The following MSTO1 variants were observed in gnomAD, a reference collection of about 807,000 sequenced individuals.
MSTO1 encodes misato mitochondrial distribution and morphology regulator 1.
Under a neutral mutation model 55.7 loss-of-function variants are expected in MSTO1, and 24 were observed. That is an observed-to-expected ratio of 0.43 (90% confidence interval 0.31 to 0.61). MSTO1 has a LOEUF of 0.61. Ranked by LOEUF, MSTO1 falls within the 20% of genes least tolerant of loss-of-function variation. The pLI is 0.09. For synonymous variants in MSTO1, 162 were observed against 252.8 expected (o/e 0.64, Z 3.41); for missense variants, 363 against 625.7 (o/e 0.58, Z 4.48).
the MSTO1 span, among the ~76,000 whole-genome samples, chr1:155,568,577 T>C: frequency 4.6e-5 from 7 of 151,910 alleles, no homozygotes; most frequent in East Asian, 1.9e-4. Flanking sequence ...TAGCTGGGAT[T>C]ACAGATGCTC....
Position 155,614,815 on chromosome 1 carries a change from C to G in MSTO1, c.*542C>G. 2 of 1,577,976 alleles carry G rather than the reference C, an allele frequency of 1.3e-6. No individual in the cohort carries two copies. The highest frequency in any genetic ancestry group is 2.3e-5 in the South Asian group (2 of 86,622). ...GGTTGCATCATCCTCATCCTCAGAG[C>G]TGGCTTCACAGGCAGTGTGGAAGAG... is the stretch of plus-strand genomic sequence containing the variant. On this transcript the variant is annotated 3_prime_UTR_variant, in exon 14 of 14. Transcript: ENST00000245564.
At chr1:155,600,726 T>C in the MSTO1 span, among the ~76,000 whole-genome samples, 1 of 152,148 alleles carries the variant, frequency 6.6e-6, no homozygotes, top group African/African-American at 2.4e-5. Flanking sequence ...TTCTGTATTT[T>C]TAGTATAGAC....
the MSTO1 span, among the ~76,000 whole-genome samples, chr1:155,599,776 A>C: frequency 6.6e-6 from 1 of 152,200 alleles, no homozygotes; most frequent in Non-Finnish European, 1.5e-5. Flanking sequence ...TAGTGGGGAG[A>C]GGGTCAACAG....
At chr1:155,603,818 A>G in the MSTO1 span, among the ~76,000 whole-genome samples, 4 of 152,206 alleles carry the variant, frequency 2.6e-5, no homozygotes, top group African/African-American at 9.7e-5. Context: ...AGATCACGCC[A>G]CTGTACTCCA....
rs1249415160 is a variant in MSTO1, at chr1:155,612,983, G to A, written c.1098+8G>A. On this transcript the variant is annotated splice_region_variant and intron_variant, in intron 10 of 13. Coordinates refer to ENST00000245564, the MANE Select transcript of MSTO1 (RefSeq NM_018116.4). ...AGCTTCTGTGGGAAAAAGGTATGAA[G>A]CTTTGTAAGGGGTTGGGTCAGTGCT... 1 of 1,613,844 alleles carries A rather than the reference G, an allele frequency of 6.2e-7. No homozygotes were observed. Among genetic ancestry groups the A allele is most frequent in the Non-Finnish European group, 8.5e-7 (1 of 1,179,874 alleles).
upstream of MSTO1, among the ~76,000 whole-genome samples, chr1:155,605,615 A>G (rs116559350): frequency 6.6e-6 from 1 of 152,166 alleles, no homozygotes; most frequent in African/African-American, 2.4e-5. Flanking sequence ...CAGCTTGAGC[A>G]ACATAGACCT....
chr1:155,586,759 TA>T, the MSTO1 span: 1 of 456,776 alleles, frequency 2.2e-6, no homozygotes, highest in Non-Finnish European at 4.3e-6. Flanking sequence ...CTTTTATTAT[TA>T]TTTTTTTAAC....
chr1:155,607,567 A>T (rs181153511), upstream of MSTO1, among the ~76,000 whole-genome samples: 112 of 152,338 alleles, frequency 7.4e-4, no homozygotes, highest in Non-Finnish European at 2.9e-4. Context: ...GGATAAAATA[A>T]TGTAATTATC....
the MSTO1 span, among the ~76,000 whole-genome samples, chr1:155,595,999 C>T: frequency 2.6e-5 from 4 of 152,004 alleles, no homozygotes; most frequent in Non-Finnish European, 4.4e-5. Context: ...TGCTGCCTCT[C>T]GTAAATGAAA....
At chr1:155,587,690 G>C in the MSTO1 span, among the ~76,000 whole-genome samples, 1 of 149,202 alleles carries the variant, frequency 6.7e-6, no homozygotes, top group African/African-American at 2.5e-5. Context: ...CTTGCAGTGA[G>C]CCGAGATCGC....
chr1:155,581,712 T>C, the MSTO1 span, among the ~76,000 whole-genome samples: 4 of 151,386 alleles, frequency 2.6e-5, no homozygotes, highest in Non-Finnish European at 4.4e-5. Flanking sequence ...TGGAGAAGTA[T>C]ATTAATGACA....
At chr1:155,565,487 G>C in the MSTO1 span, among the ~76,000 whole-genome samples, 1 of 152,094 alleles carries the variant, frequency 6.6e-6, no homozygotes, top group African/African-American at 2.4e-5. Context: ...AGAAGCCTGA[G>C]GCCCAGAGAA....
chr1:155,590,996 CAAG>C, the MSTO1 span: 2 of 1,613,844 alleles, frequency 1.2e-6, no homozygotes, highest in Non-Finnish European at 1.7e-6. Context: ...AACAGGGCCA[CAAG>C]GAGGGTGATG....
chr1:155,605,505 T>C (rs1467107987), upstream of MSTO1, among the ~76,000 whole-genome samples: 2 of 152,120 alleles, frequency 1.3e-5, no homozygotes, highest in Admixed American at 1.3e-4. Context: ...AATTCATAGG[T>C]GAAAACTTTT....
chr1:155,570,173 G>A, the MSTO1 span, among the ~76,000 whole-genome samples: 1 of 152,166 alleles, frequency 6.6e-6, no homozygotes, highest in African/African-American at 2.4e-5. Context: ...CCAGTCATGT[G>A]TGTACACTAA....
chr1:155,600,402 A>C, the MSTO1 span, among the ~76,000 whole-genome samples: 4 of 152,230 alleles, frequency 2.6e-5, no homozygotes, highest in African/African-American at 9.6e-5. Context: ...CAGAATCTCA[A>C]GGCAGAAGAA....
At position 155,614,944 on chromosome 1, in the gene MSTO1, T is replaced by A; in HGVS notation, c.*671T>A. On this transcript the variant is annotated 3_prime_UTR_variant, in exon 14 of 14. Coordinates refer to ENST00000245564, the MANE Select transcript of MSTO1 (RefSeq NM_018116.4). The stretch of plus-strand genomic sequence containing the variant: ...CATTTATGAAGCACTATATATTGAT[T>A]TGCAAAATCTTTTGTTTATTCCACA... The A allele has an allele frequency of 9.2e-7, 1 of 1,081,814 alleles. No individual in the cohort carries two copies. Among genetic ancestry groups the A allele is most frequent in the Non-Finnish European group, 1.4e-6 (1 of 718,834 alleles). 67.0% of individuals were successfully genotyped at this position (1,081,814 alleles called of 1,614,324 possible). A position where few individuals can be genotyped will look rare whatever the true frequency, so the allele number is the denominator to read the frequency against.
intron 1 of MSTO1, 37 bp from the exon 2 acceptor site, chr1:155,610,388 G>T (rs761367781): frequency 1.2e-6 from 1 of 817,278 alleles, no homozygotes; most frequent in South Asian, 1.7e-5. Flanking sequence ...CAGTCCCGAC[G>T]TTCAGCCGGC....
the MSTO1 span, chr1:155,598,687 T>C: frequency 4.7e-6 from 2 of 424,004 alleles, no homozygotes; most frequent in African/African-American, 2.1e-5. Context: ...ACGTCACTGC[T>C]TTCCAGCCTG....
Sources: gnomAD v4.1 joint callset for allele counts (sites outside exome capture counted in the v4.1 genomes callset) on GRCh38, gnomAD v4.1.1 for gene constraint, MANE v1.5 for transcripts, NCBI Gene and HGNC (gene_info 2026-07-23, HGNC 2026-07-21) for gene names.